The following ZFP69 variants were observed in gnomAD, a reference collection of about 807,000 sequenced individuals.
The protein encoded by ZFP69 is zinc finger protein 69 homolog.
Under a neutral mutation model 48.9 loss-of-function variants are expected in ZFP69, and 35 were observed. The ratio of observed to expected loss-of-function variants is 0.72; its 90% CI spans 0.55 to 0.95. The LOEUF (loss-of-function observed/expected upper bound fraction) is 0.95. Among genes scored for constraint, ZFP69 ranks in the 40% least tolerant of loss-of-function variants. The probability of loss-of-function intolerance (pLI) is 0.00; values close to 1 mark genes in which losing one functional copy is unlikely to be tolerated. For missense variants in ZFP69, 557 were observed against 638.4 expected (o/e 0.87, Z 1.37); for synonymous variants, 193 against 216.8 (o/e 0.89, Z 0.96).
rs1464248322 is a variant in ZFP69, at chr1:40,477,867, G to A, written c.-354G>A. The A allele has an allele frequency of 6.6e-6, 1 of 152,482 alleles. No homozygotes were observed. Among genetic ancestry groups the A allele is most frequent in the Non-Finnish European group, 1.5e-5 (1 of 68,240 alleles). The allele number at this position is 152,482 out of a possible 1,614,324, so 9.4% of individuals were successfully genotyped here. A position where few individuals can be genotyped will look rare whatever the true frequency, so the allele number is the denominator to read the frequency against. On this transcript the variant is annotated 5_prime_UTR_variant, in exon 1 of 6. Transcript: ENST00000372706. This position sits in a 1 kb window ranked among gnomAD's most constrained non-coding sequence, Gnocchi z 4.0. The stretch of plus-strand genomic sequence containing the variant: ...TGAGCACTCCCACGCCCCCGTCTCT[G>A]GTCCTACCTGGGTCCAAGGCCGATG...
At chr1:40,489,689 T>G (rs1033332885) in intron 5 of ZFP69, 65 bp downstream of exon 5, 2 of 1,241,166 alleles carry the variant, frequency 1.6e-6, no homozygotes, top group Non-Finnish European at 2.3e-6. Context: ...CTTCATAATT[T>G]ATAAAGAAAA....
intron 3 of ZFP69, among the ~76,000 whole-genome samples, chr1:40,488,529 C>T (rs930392912): frequency 2.6e-5 from 4 of 152,204 alleles, no homozygotes; most frequent in Non-Finnish European, 5.9e-5. Context: ...CCCTATCCCA[C>T]CCTGTTCCTC....
intron 5 of ZFP69, among the ~76,000 whole-genome samples, chr1:40,494,578 T>C (rs1245129677): frequency 1.4e-5 from 2 of 147,312 alleles, no homozygotes; most frequent in Non-Finnish European, 3.0e-5. Context: ...CAAATATTTA[T>C]ATGATATTTA....
intron 3 of ZFP69, among the ~76,000 whole-genome samples, chr1:40,482,441 A>G (rs1233563802): frequency 6.6e-6 from 1 of 152,188 alleles, no homozygotes; most frequent in African/African-American, 2.4e-5. Flanking sequence ...AGTACTGCCT[A>G]TCGGAAACAG....
chr1:40,483,922 C>G (rs1240700380), intron 3 of ZFP69, among the ~76,000 whole-genome samples: 1 of 151,950 alleles, frequency 6.6e-6, no homozygotes, highest in Non-Finnish European at 1.5e-5. Context: ...ACTACAAATA[C>G]AATATTAGCT....
intron 2 of ZFP69, 97 bp downstream of exon 2, chr1:40,479,585 A>C: frequency 2.9e-6 from 4 of 1,394,738 alleles, no homozygotes; most frequent in Non-Finnish European, 2.8e-6. Flanking sequence ...GAGGGAGAGA[A>C]GGTCTCTGGG....
chr1:40,494,857 C>T, intron 5 of ZFP69, 64 bp from the exon 6 acceptor site: 14 of 1,424,298 alleles, frequency 9.8e-6, no homozygotes, highest in Non-Finnish European at 1.2e-5. Flanking sequence ...ATATTGTTGT[C>T]TAAATCTCTG....
At chr1:40,493,002 G>A (rs1645584170) in intron 5 of ZFP69, among the ~76,000 whole-genome samples, 1 of 152,168 alleles carries the variant, frequency 6.6e-6, no homozygotes, top group Non-Finnish European at 1.5e-5. Context: ...GAGGCGGGCA[G>A]ATCACCTGAG....
rs1458004579 is a variant in ZFP69 at position 40,489,068 on chromosome 1, G to C, written c.220-20G>C. 6.2e-7 allele frequency: 1 copy of C among 1,613,326 alleles called. No individual in the cohort carries two copies. The highest frequency in any genetic ancestry group is 1.1e-5 in the South Asian group (1 of 91,042). ...ACAGAGGTGGTCTCCGGCTAAAAAT[G>C]AATGTATTTGATGTTCTAGGAATTG... On this transcript the variant is annotated intron_variant, in intron 3 of 5. Coordinates refer to ENST00000372706, the MANE Select transcript of ZFP69 (RefSeq NM_001320179.2).
chr1:40,489,439 G>A, intron 4 of ZFP69, 90 bp from the exon 5 acceptor site: 1 of 1,251,210 alleles, frequency 8.0e-7, no homozygotes, highest in East Asian at 2.4e-5. Context: ...CACTTGTGGA[G>A]ACCCTGAATA....
At position 40,482,810 on chromosome 1, in the gene ZFP69, A is replaced by G. The variant is rs556732445; in HGVS notation, c.219+956A>G. Among the ~76,000 whole-genome samples the G allele has an allele frequency of 6.6e-5, 10 of 152,368 alleles. No homozygotes were observed. The South Asian group carries it at 1.7e-3, about 25-fold the overall frequency. The stretch of plus-strand genomic sequence containing the variant: ...GGTCAACAATTCTAAGTGTTTATAC[A>G]TGTGATGACAGAACTTCAAAATAAA... On this transcript the variant is annotated intron_variant, in intron 3 of 5. Transcript: ENST00000372706.
chr1:40,485,979 C>T (rs1238001244), intron 3 of ZFP69, among the ~76,000 whole-genome samples: 1 of 152,220 alleles, frequency 6.6e-6, no homozygotes, highest in East Asian at 1.9e-4. Context: ...TCTTGGCCCA[C>T]TGCAACCTCC....
At position 40,478,149 on chromosome 1, in the gene ZFP69, C is replaced by T. The variant is rs933825382; in HGVS notation, c.-327+255C>T. Among the ~76,000 whole-genome samples the T allele has an allele frequency of 2.6e-5, 4 of 151,718 alleles. No individual in the cohort carries two copies. The East Asian group carries it at 5.8e-4, about 22-fold the overall frequency. Reference sequence around the variant, plus strand: ...ACACACACACACACACACACACACACGCCTATAAGTCACATACCCATCCTT... The same window carrying T: ...ACACACACACACACACACACACACATGCCTATAAGTCACATACCCATCCTT... On this transcript the variant is annotated intron_variant, in intron 1 of 5. Coordinates refer to ENST00000372706, the MANE Select transcript of ZFP69 (RefSeq NM_001320179.2).
intron 3 of ZFP69, among the ~76,000 whole-genome samples, chr1:40,483,407 GAC>G (rs2124443595): frequency 6.6e-6 from 1 of 151,616 alleles, no homozygotes; most frequent in South Asian, 2.1e-4. Flanking sequence ...TTAAAAAAAT[GAC>G]AGAAAAAATA....
rs936017484 is a variant in ZFP69 at position 40,477,735 on chromosome 1, G to A, written c.-486G>A. 6.6e-6 allele frequency: 1 copy of A among 152,062 alleles called. No individual in the cohort carries two copies. Among genetic ancestry groups the A allele is most frequent in the African/African-American group, 2.4e-5 (1 of 41,404 alleles). 9.4% of individuals were successfully genotyped at this position (152,062 alleles called of 1,614,324 possible). A position where few individuals can be genotyped will look rare whatever the true frequency, so the allele number is the denominator to read the frequency against. ...TGGACGCTTCTTGGAGAATGATTGC[G>A]TTGAGTGGAGATGTGGTCTGTCTAT... On this transcript the variant is annotated 5_prime_UTR_variant, in exon 1 of 6. Transcript: ENST00000372706. This position sits in a 1 kb window ranked among gnomAD's most constrained non-coding sequence, Gnocchi z 4.0.
Position 40,494,331 on chromosome 1 carries a change from G to T in ZFP69, c.443-590G>T, listed in dbSNP as rs954656195. ...TCGCCCAGGCTGGAGTGCAGTGGCG[G>T]GATCTCGGCTCACTGCAAGCTCCGC... is the stretch of plus-strand genomic sequence containing the variant. On this transcript the variant is annotated intron_variant, in intron 5 of 5. Transcript: ENST00000372706. Among the ~76,000 whole-genome samples, 5 of 137,120 alleles carry T rather than the reference G, an allele frequency of 3.6e-5. No homozygotes were observed. In the East Asian group the frequency reaches 6.4e-4, roughly 18 times the overall value. 90.0% of individuals were successfully genotyped at this position (137,120 alleles called of 152,430 possible).
chr1:40,493,503 A>G (rs1240544182), intron 5 of ZFP69: 1 of 152,156 alleles, frequency 6.6e-6, no homozygotes, highest in Admixed American at 6.5e-5. Flanking sequence ...TAAAATGCCT[A>G]TTTAGTTCAG....
At chr1:40,478,408 A>G (rs754890527) in intron 1 of ZFP69, among the ~76,000 whole-genome samples, 6 of 152,086 alleles carry the variant, frequency 3.9e-5, no homozygotes, top group Non-Finnish European at 8.8e-5. Context: ...CAATTTTAAC[A>G]TTTCTGAAAC....
Position 40,481,811 on chromosome 1 carries a change from T to C in ZFP69, c.176T>C (p.Leu59Ser), listed in dbSNP as rs1256749565. ...AEDVKTQRES[L>S]EDEVTPGLPT... ...GACGTAAAGACCCAGAGAGAAAGTT[T>C]AGAGGATGAAGTGACCCCTGGACTC... Residue 59 changes from leucine to serine, a missense_variant, in exon 3 of 6, where the codon TTA becomes TCA. Transcript: ENST00000372706. 4 of 1,613,268 alleles carry C rather than the reference T, an allele frequency of 2.5e-6. No homozygotes were observed. The Admixed American group carries it at 5.0e-5, about 20-fold the overall frequency.
Sources: gnomAD v4.1 joint callset for allele counts (sites outside exome capture counted in the v4.1 genomes callset) on GRCh38, gnomAD v4.1.1 for gene constraint, Gnocchi (gnomAD v3.1) non-coding constraint, MANE v1.5 for transcripts, NCBI Gene and HGNC (gene_info 2026-07-23, HGNC 2026-07-21) for gene names.